PXDNL: variants seen among roughly 807,000 people sequenced by gnomAD.
The protein encoded by PXDNL is peroxidasin like, also known as probable oxidoreductase PXDNL.
A neutral mutation model predicts 150.8 loss-of-function variants in PXDNL; 145 were observed. The ratio of observed to expected loss-of-function variants is 0.96; its 90% CI spans 0.84 to 1.10. PXDNL has a LOEUF of 1.10. Ranked by LOEUF, PXDNL falls within the 50% of genes least tolerant of loss-of-function variation. The probability of loss-of-function intolerance (pLI) is 0.00; values close to 1 mark genes in which losing one functional copy is unlikely to be tolerated. For synonymous variants in PXDNL, 757 were observed against 725.7 expected, an observed-to-expected ratio of 1.04 and a Z score of -0.69; for missense variants, 2,087 against 1,873.9, an observed-to-expected ratio of 1.11 and a Z score of -2.10.
chr8:51,484,206 C>T (rs1810672604), intron 5 of PXDNL, among the ~76,000 whole-genome samples: 1 of 151,836 alleles, frequency 6.6e-6, no homozygotes, highest in Admixed American at 6.6e-5. Context: ...GGAGGCCAAG[C>T]TGGGCGGATG....
intron 14 of PXDNL, among the ~76,000 whole-genome samples, chr8:51,413,504 A>G (rs1177440864): frequency 6.6e-6 from 1 of 152,220 alleles, no homozygotes; most frequent in Non-Finnish European, 1.5e-5. Flanking sequence ...AAAATCTAGT[A>G]AAGCTATGTA....
intron 15 of PXDNL, 76 bp from the exon 16 acceptor site, chr8:51,411,483 T>TA: frequency 7.7e-7 from 1 of 1,303,044 alleles, no homozygotes; most frequent in Non-Finnish European, 1.0e-6. Flanking sequence ...ACTGTGCATT[T>TA]AAAAAGGCAT....
In PXDNL at chr8:51,320,876, G is replaced by A. The variant is rs778198681; in HGVS notation, c.4168C>T (p.Leu1390=). The part of the protein sequence containing the change: ...REQINKLEAR[L]RQAGCTDVRG... ...ACATCTGTACACCCTGCCTGCCTCA[G>A]GCGTGCCTCCAGCTTGTTTATCTGA... The change falls in exon 22 of 23, where the codon CTG becomes TTG. Residue 1390 remains leucine, a synonymous_variant. Transcript: ENST00000356297. The A allele has an allele frequency of 1.2e-6, 2 of 1,613,740 alleles. No individual in the cohort carries two copies. Among genetic ancestry groups the A allele is most frequent in the East Asian group, 4.5e-5 (2 of 44,878 alleles).
intron 3 of PXDNL, among the ~76,000 whole-genome samples, chr8:51,577,808 G>A (rs1238808376): frequency 6.7e-6 from 1 of 149,982 alleles, no homozygotes; most frequent in Non-Finnish European, 1.5e-5. Flanking sequence ...TTCCCTCTAA[G>A]GTCAGGAGCA....
At chr8:51,540,167 G>C (rs1440331336) in intron 4 of PXDNL, among the ~76,000 whole-genome samples, 3 of 152,014 alleles carry the variant, frequency 2.0e-5, no homozygotes, top group Non-Finnish European at 2.9e-5. Flanking sequence ...CAAAGTGCTG[G>C]GGTTACTGGT....
intron 8 of PXDNL, among the ~76,000 whole-genome samples, chr8:51,470,638 T>C (rs1810306767): frequency 6.6e-6 from 1 of 152,116 alleles, no homozygotes; most frequent in African/African-American, 2.4e-5. Flanking sequence ...AAAACAGATA[T>C]ACAAACCAAT....
intron 17 of PXDNL, among the ~76,000 whole-genome samples, chr8:51,379,290 G>T (rs980307303): frequency 6.6e-6 from 1 of 152,166 alleles, no homozygotes; most frequent in African/African-American, 2.4e-5. Flanking sequence ...CAGATTTGGA[G>T]AAGGCTGTGG....
At chr8:51,417,111 T>G (rs79982255) in intron 14 of PXDNL, among the ~76,000 whole-genome samples, 3,660 of 152,298 alleles carry the variant, frequency 0.024, 81 homozygotes, top group South Asian at 0.082. Flanking sequence ...TCAATACTGT[T>G]GTAGTTATTT....
chr8:51,422,076 A>G (rs1380929554), intron 14 of PXDNL, among the ~76,000 whole-genome samples: 1 of 152,068 alleles, frequency 6.6e-6, no homozygotes, highest in East Asian at 1.9e-4. Context: ...TGAACTGCAC[A>G]TGTGAGGGAT....
At chr8:51,735,553 T>TTTTG (rs1817019690) in intron 1 of PXDNL, among the ~76,000 whole-genome samples, 11 of 134,614 alleles carry the variant, frequency 8.2e-5, no homozygotes, top group South Asian at 4.7e-4. Context: ...TTTTTTTTTT[T>TTTTG]TTTTTTTTTT....
chr8:51,546,764 C>G (rs1205288827), intron 4 of PXDNL, among the ~76,000 whole-genome samples: 1 of 152,158 alleles, frequency 6.6e-6, no homozygotes, highest in Non-Finnish European at 1.5e-5. Flanking sequence ...AAGATCTCAG[C>G]CCTGCACAGA....
intron 1 of PXDNL, among the ~76,000 whole-genome samples, chr8:51,698,650 G>T (rs1454755606): frequency 1.3e-5 from 2 of 152,100 alleles, no homozygotes; most frequent in South Asian, 2.1e-4. Context: ...CATGGATCAC[G>T]CCTGTTCTTA....
chr8:51,415,046 G>A (rs779499322), intron 14 of PXDNL, among the ~76,000 whole-genome samples: 4 of 152,110 alleles, frequency 2.6e-5, no homozygotes, highest in Non-Finnish European at 4.4e-5. Flanking sequence ...ATTGTATTTA[G>A]AGCCTTCTTT....
chr8:51,627,318 G>T (rs1199001900), intron 2 of PXDNL, among the ~76,000 whole-genome samples: 2 of 152,108 alleles, frequency 1.3e-5, no homozygotes, highest in Non-Finnish European at 2.9e-5. Context: ...AAATTAACAG[G>T]TGAGATTTAA....
chr8:51,416,320 A>G (rs1808799554), intron 14 of PXDNL, among the ~76,000 whole-genome samples: 1 of 152,242 alleles, frequency 6.6e-6, no homozygotes, highest in Admixed American at 6.5e-5. Context: ...ACAGAAGTTG[A>G]TATAAAGTAT....
At chr8:51,605,654 G>C (rs1813823909) in intron 2 of PXDNL, among the ~76,000 whole-genome samples, 1 of 152,146 alleles carries the variant, frequency 6.6e-6, no homozygotes. Context: ...AAAAATTATA[G>C]TTAGATGTTG....
chr8:51,607,895 AGGT>A (rs1813874893), intron 2 of PXDNL, among the ~76,000 whole-genome samples: 14 of 82,822 alleles, frequency 1.7e-4, no homozygotes, highest in African/African-American at 6.2e-4. Context: ...GAAGGAAGGA[AGGT>A]GGGGAGGGAG....
chr8:51,471,139 CAAA>C (rs5891416), intron 8 of PXDNL, among the ~76,000 whole-genome samples: 19 of 113,010 alleles, frequency 1.7e-4, no homozygotes, highest in African/African-American at 4.3e-4. Flanking sequence ...AACAAATTTA[CAAA>C]AAAAAAAAAA....
chr8:51,620,720 G>C (rs1342663367), intron 2 of PXDNL, among the ~76,000 whole-genome samples: 1 of 134,636 alleles, frequency 7.4e-6, no homozygotes, highest in African/African-American at 2.8e-5. Context: ...ATTTTTTTTT[G>C]TACTTTAGTA....
Sources: gnomAD v4.1 joint callset for allele counts (sites outside exome capture counted in the v4.1 genomes callset) on GRCh38, gnomAD v4.1.1 for gene constraint, MANE v1.5 for transcripts, NCBI Gene and HGNC (gene_info 2026-07-23, HGNC 2026-07-21) for gene names.